FILIP1L: variants seen among roughly 807,000 people sequenced by gnomAD.
FILIP1L encodes the protein filamin A-interacting protein 1-like.
A neutral mutation model predicts 96.6 loss-of-function variants in FILIP1L; 55 were observed. That is an observed-to-expected ratio of 0.57 (90% CI 0.46 to 0.71). The LOEUF is 0.71. Ranked by LOEUF, FILIP1L falls within the 30% of genes least tolerant of loss-of-function variation. FILIP1L has a pLI of 0.00. For synonymous variants in FILIP1L, 467 were observed against 473.9 expected (o/e 0.99, Z 0.19); for missense variants, 1,304 against 1,321.2 (o/e 0.99, Z 0.20).
chr3:100,106,091 G>A (rs761538006), intron 1 of FILIP1L, among the ~76,000 whole-genome samples: 2 of 152,180 alleles, frequency 1.3e-5, no homozygotes, highest in African/African-American at 4.8e-5. Flanking sequence ...TATAGCATAT[G>A]GAGAAAATAT....
intron 1 of FILIP1L, among the ~76,000 whole-genome samples, chr3:99,991,720 G>A (rs545889993): frequency 5.8e-4 from 88 of 151,796 alleles, no homozygotes; most frequent in African/African-American, 1.9e-3. Context: ...CTGTTGCTGC[G>A]TTATTTCAGT....
At chr3:99,957,331 A>C (rs944268523) in intron 1 of FILIP1L, among the ~76,000 whole-genome samples, 4 of 152,114 alleles carry the variant, frequency 2.6e-5, no homozygotes, top group South Asian at 2.1e-4. Context: ...CATTAACAGA[A>C]AGTATTTAGT....
intron 1 of FILIP1L, among the ~76,000 whole-genome samples, chr3:99,999,441 T>C (rs1709779765): frequency 6.6e-6 from 1 of 152,174 alleles, no homozygotes; most frequent in Admixed American, 6.5e-5. Context: ...TGGGAGGAAA[T>C]TGCAACAACT....
chr3:99,899,607 A>G (rs986559314), intron 4 of FILIP1L, among the ~76,000 whole-genome samples: 4 of 152,172 alleles, frequency 2.6e-5, no homozygotes, highest in Admixed American at 2.6e-4. Context: ...TCAGCAAACT[A>G]TTTCTAGGAC....
chr3:99,940,814 G>C (rs1235284174), intron 1 of FILIP1L, among the ~76,000 whole-genome samples: 1 of 152,234 alleles, frequency 6.6e-6, no homozygotes, highest in African/African-American at 2.4e-5. Context: ...TAAGGACCTT[G>C]AGGTAAACAG....
At chr3:99,962,035 A>G (rs557124551) in intron 1 of FILIP1L, among the ~76,000 whole-genome samples, 1 of 152,210 alleles carries the variant, frequency 6.6e-6, no homozygotes, top group South Asian at 2.1e-4. Flanking sequence ...TGTCGGGGAA[A>G]TTTTTCTGCA....
At chr3:99,886,949 A>G (rs1347411538) in intron 4 of FILIP1L, among the ~76,000 whole-genome samples, 1 of 145,216 alleles carries the variant, frequency 6.9e-6, no homozygotes, top group Admixed American at 7.1e-5. Flanking sequence ...CAGCCTGGGC[A>G]GCAGAGGGAG....
chr3:99,965,912 T>C (rs532203854), intron 1 of FILIP1L, among the ~76,000 whole-genome samples: 54 of 152,242 alleles, frequency 3.5e-4, no homozygotes, highest in African/African-American at 1.2e-3. Context: ...TTTCTGTACA[T>C]AAGGCAGTTC....
At chr3:99,922,408 G>A (rs1707152996) in intron 4 of FILIP1L, among the ~76,000 whole-genome samples, 1 of 152,102 alleles carries the variant, frequency 6.6e-6, no homozygotes, top group South Asian at 2.1e-4. Flanking sequence ...GAGTTCATGA[G>A]GAGCAAGTTA....
Position 99,850,383 on chromosome 3 carries a change from T to G in FILIP1L, c.1293A>C (p.Glu431Asp), listed in dbSNP as rs763119776. ...CTTGTTTGCTTTTGTTGAAAGCGTCTTCTAACTTTTCCAGAGCCATAATTC... is the reference window on the plus strand; with the variant it reads ...CTTGTTTGCTTTTGTTGAAAGCGTCGTCTAACTTTTCCAGAGCCATAATTC... Reference protein sequence around the residue: ...SKRIMALEKLEDAFNKSKQEC... With the variant: ...SKRIMALEKLDDAFNKSKQEC... The change falls in exon 5 of 6, where the codon GAA becomes GAC. Residue 431 changes from glutamate to aspartate, a missense_variant. Glu to Asp is a conservative substitution (Grantham distance 45). Coordinates refer to ENST00000477258, the MANE Select transcript of FILIP1L (RefSeq NM_001387850.1). 1.2e-5 allele frequency: 20 copies of G among 1,613,418 alleles called. No homozygotes were observed. In the South Asian group the frequency reaches 2.0e-4, roughly 16 times the overall value.
intron 1 of FILIP1L, among the ~76,000 whole-genome samples, chr3:100,006,149 A>C (rs927248455): frequency 3.3e-5 from 5 of 152,160 alleles, no homozygotes; most frequent in Non-Finnish European, 7.4e-5. Context: ...GGATGCAGGT[A>C]GGTATACTGG....
intron 4 of FILIP1L, among the ~76,000 whole-genome samples, chr3:99,899,385 G>C (rs1706364517): frequency 6.6e-6 from 1 of 152,064 alleles, no homozygotes; most frequent in Non-Finnish European, 1.5e-5. Flanking sequence ...TAATGCACTA[G>C]AGTTAAAAAT....
intron 4 of FILIP1L, among the ~76,000 whole-genome samples, chr3:99,920,922 G>T (rs971689723): frequency 1.3e-5 from 2 of 152,152 alleles, no homozygotes; most frequent in Non-Finnish European, 2.9e-5. Context: ...CCAACACTTA[G>T]AATGTGAGCA....
At position 99,850,004 on chromosome 3, in the gene FILIP1L, A is replaced by T. The variant is rs757057504; in HGVS notation, c.1672T>A (p.Tyr558Asn). ...TCATCTCTCTCCTTGGTTACGCTGT[A>T]CATCTTTTCTTCTACATCGGTTTTG... is the stretch of plus-strand genomic sequence containing the variant. Reference protein sequence around the residue: ...KSKTDVEEKMYSVTKERDDLK... With the variant: ...KSKTDVEEKMNSVTKERDDLK... Residue 558 changes from tyrosine to asparagine, a missense_variant, in exon 5 of 6, where the codon TAC becomes AAC. Physicochemically the swap from Tyr to Asn is moderately radical, Grantham distance 143. Coordinates refer to ENST00000477258, the MANE Select transcript of FILIP1L (RefSeq NM_001387850.1). 6.2e-7 allele frequency: 1 copy of T among 1,608,542 alleles called. No individual in the cohort carries two copies. Among genetic ancestry groups the T allele is most frequent in the Non-Finnish European group, 8.5e-7 (1 of 1,178,738 alleles).
At chr3:100,047,883 A>G (rs911470528) in intron 1 of FILIP1L, among the ~76,000 whole-genome samples, 2 of 152,126 alleles carry the variant, frequency 1.3e-5, no homozygotes, top group Admixed American at 1.3e-4. Flanking sequence ...TGGGCGAAAA[A>G]TGATAGGATG....
chr3:99,928,555 G>A (rs185079739), intron 3 of FILIP1L, among the ~76,000 whole-genome samples: 1 of 152,090 alleles, frequency 6.6e-6, no homozygotes, highest in Non-Finnish European at 1.5e-5. Flanking sequence ...GTAGAAGGGG[G>A]GTATTTCCAA....
In FILIP1L at chr3:99,867,591, C is replaced by T. The variant is rs148728024; in HGVS notation, c.606-16521G>A. Among the ~76,000 whole-genome samples the T allele has an allele frequency of 4.6e-3, 695 of 152,230 alleles. 2 individuals carry two copies. Among genetic ancestry groups the T allele is most frequent in the South Asian group, 7.0e-3 (34 of 4,824 alleles). On this transcript the variant is annotated intron_variant, in intron 4 of 5. Transcript: ENST00000477258. ...TCTGCTAGTGACTTAACTATCTGACCTTACCTCATCTGCTTGTCACCTTAG... is the reference window on the plus strand; with the variant it reads ...TCTGCTAGTGACTTAACTATCTGACTTTACCTCATCTGCTTGTCACCTTAG...
intron 1 of FILIP1L, among the ~76,000 whole-genome samples, chr3:100,017,687 G>A (rs78746823): frequency 0.011 from 1,657 of 152,256 alleles, 34 homozygotes; most frequent in African/African-American, 0.037. Context: ...CACTTTGGGA[G>A]GCCCAGCGGG....
chr3:99,944,384 G>A (rs1707944351), intron 1 of FILIP1L, among the ~76,000 whole-genome samples: 1 of 152,152 alleles, frequency 6.6e-6, no homozygotes, highest in African/African-American at 2.4e-5. Flanking sequence ...AGATGACAAA[G>A]GCTGCTGATT....
Sources: gnomAD v4.1 joint callset for allele counts (sites outside exome capture counted in the v4.1 genomes callset) on GRCh38, gnomAD v4.1.1 for gene constraint, MANE v1.5 for transcripts, NCBI Gene and HGNC (gene_info 2026-07-23, HGNC 2026-07-21) for gene names.